Variants in SYT2 observed in about 807,000 individuals in gnomAD.
SYT2 encodes the protein synaptotagmin 2, also known as synaptotagmin-2.
SYT2 carries 15 observed loss-of-function variants against 39.9 expected under a neutral mutation model. That is an observed-to-expected ratio of 0.38 (90% confidence interval 0.25 to 0.58). The LOEUF (loss-of-function observed/expected upper bound fraction) is 0.58, where lower values mean the gene tolerates loss of function less well. Among genes scored for constraint, SYT2 ranks in the 20% least tolerant of loss-of-function variants. The pLI, the probability that SYT2 is intolerant of heterozygous loss-of-function variation, is 0.70. For missense variants in SYT2, 389 were observed against 530.3 expected (o/e 0.73, Z 2.62); for synonymous variants, 181 against 204.5 (o/e 0.89, Z 0.98).
In SYT2 at chr1:202,690,248, A is replaced by G. The variant is rs77997197; in HGVS notation, c.-18+20010T>C. The stretch of plus-strand genomic sequence containing the variant: ...TGCCCCACTGAACAGATGCCCAGCA[A>G]GTCACAGGCCAAGCTGAGCCTGGGA... On this transcript the variant is annotated intron_variant, in intron 1 of 8. Coordinates refer to ENST00000367268, the MANE Select transcript of SYT2 (RefSeq NM_177402.5). Among the ~76,000 whole-genome samples the G allele has an allele frequency of 1.8e-3, 273 of 152,342 alleles. 1 individual carries two copies. The highest frequency in any genetic ancestry group is 0.017 in the Middle Eastern group (5 of 294).
chr1:202,689,970 G>T lies in SYT2; in HGVS notation c.-18+20288C>A, dbSNP rs183739815. On this transcript the variant is annotated intron_variant, in intron 1 of 8. Coordinates refer to ENST00000367268, the MANE Select transcript of SYT2 (RefSeq NM_177402.5). ...ACCAGGAGGGCAGCATGAAACATCT[G>T]ATTACACAAACCTGCCACAGTCCCT... 2.6e-5 allele frequency among the ~76,000 whole-genome samples: 4 copies of T among 151,906 alleles called. No homozygotes were observed. The East Asian group carries it at 7.7e-4, about 29-fold the overall frequency.
At chr1:202,629,093 G>T (rs1320512107) in intron 1 of SYT2, among the ~76,000 whole-genome samples, 1 of 152,356 alleles carries the variant, frequency 6.6e-6, no homozygotes, top group Non-Finnish European at 1.5e-5. Context: ...CAGTGGAGAG[G>T]TGGGGCAGCC....
intron 1 of SYT2, among the ~76,000 whole-genome samples, chr1:202,650,115 G>C (rs1033597073): frequency 2.0e-5 from 3 of 152,252 alleles, no homozygotes; most frequent in African/African-American, 7.2e-5. Flanking sequence ...AAGAGGAAAA[G>C]GGAATTGGGG....
In SYT2 at chr1:202,623,232, G is replaced by A. The variant is rs1572632636; in HGVS notation, c.-17-17443C>T. On this transcript the variant is annotated intron_variant, in intron 1 of 8. Coordinates refer to ENST00000367268, the MANE Select transcript of SYT2 (RefSeq NM_177402.5). The surrounding 1 kb of genome is among the most constrained non-coding windows in gnomAD (Gnocchi z 4.2). ...CCATCCCCATGGGAGAGGAGCTGGA[G>A]TCCAGGCTCCCTGGAGAGGGAGTTA... Among the ~76,000 whole-genome samples, 2 of 152,244 alleles carry A rather than the reference G, an allele frequency of 1.3e-5. No homozygotes were observed. Among genetic ancestry groups the A allele is most frequent in the African/African-American group, 4.8e-5 (2 of 41,470 alleles).
rs191682643 is a variant in SYT2, at chr1:202,691,066, C to T, written c.-18+19192G>A. ...GAGTCTGCCTCCACTTCGTCCAGACCCCTCCGCCCCCTAAGAAATGGTCAC... is the reference window on the plus strand; with the variant it reads ...GAGTCTGCCTCCACTTCGTCCAGACTCCTCCGCCCCCTAAGAAATGGTCAC... On this transcript the variant is annotated intron_variant, in intron 1 of 8. Coordinates refer to ENST00000367268, the MANE Select transcript of SYT2 (RefSeq NM_177402.5). 2.7e-3 allele frequency among the ~76,000 whole-genome samples: 412 copies of T among 152,256 alleles called. 2 individuals carry two copies. Among genetic ancestry groups the T allele is most frequent in the African/African-American group, 9.5e-3 (396 of 41,534 alleles).
At chr1:202,631,045 A>G (rs916378900) in intron 1 of SYT2, among the ~76,000 whole-genome samples, 23 of 152,232 alleles carry the variant, frequency 1.5e-4, no homozygotes, top group African/African-American at 5.5e-4. Flanking sequence ...AGGTCCACAC[A>G]TAGCACATAT....
chr1:202,641,368 C>T (rs113216382), intron 1 of SYT2, among the ~76,000 whole-genome samples: 4,329 of 152,316 alleles, frequency 0.028, 214 homozygotes, highest in African/African-American at 0.1. Flanking sequence ...AGCCACAGAA[C>T]TGTGGGGTTG....
chr1:202,654,449 T>C (rs908761269), intron 1 of SYT2, among the ~76,000 whole-genome samples: 3 of 152,198 alleles, frequency 2.0e-5, no homozygotes, highest in Admixed American at 6.5e-5. Flanking sequence ...TCCGCCCAAG[T>C]GCAAAACCTG....
chr1:202,616,722 T>C, intron 1 of SYT2, among the ~76,000 whole-genome samples: 1 of 152,230 alleles, frequency 6.6e-6, no homozygotes, highest in East Asian at 1.9e-4. Flanking sequence ...CGCTGCCTGC[T>C]TTTGTCATAA....
At chr1:202,648,964 C>T (rs978460293) in intron 1 of SYT2, among the ~76,000 whole-genome samples, 15 of 152,210 alleles carry the variant, frequency 9.9e-5, no homozygotes, top group Non-Finnish European at 2.1e-4. Context: ...CAAGAGCAAG[C>T]TCACTAAATC....
chr1:202,708,961 A>T (rs753360918), intron 1 of SYT2, among the ~76,000 whole-genome samples: 2 of 152,172 alleles, frequency 1.3e-5, no homozygotes, highest in Non-Finnish European at 2.9e-5. Flanking sequence ...GGTTATGGGG[A>T]TCCAGACAGA....
intron 1 of SYT2, among the ~76,000 whole-genome samples, chr1:202,619,813 G>C (rs551990858): frequency 6.6e-6 from 1 of 152,234 alleles, no homozygotes; most frequent in Non-Finnish European, 1.5e-5. Flanking sequence ...GGAGGACATT[G>C]GTGGCAACAA....
At chr1:202,609,123 C>T (rs1383484165) in intron 1 of SYT2, among the ~76,000 whole-genome samples, 13 of 145,612 alleles carry the variant, frequency 8.9e-5, no homozygotes, top group Non-Finnish European at 1.8e-4. Context: ...TGAGAACATG[C>T]GGTGTTTGGT....
At chr1:202,641,500 C>T (rs1691915592) in intron 1 of SYT2, among the ~76,000 whole-genome samples, 1 of 152,224 alleles carries the variant, frequency 6.6e-6, no homozygotes, top group African/African-American at 2.4e-5. Context: ...AAATTAAACT[C>T]AGCTCTCTTG....
chr1:202,709,481 A>G (rs925966436), intron 1 of SYT2, among the ~76,000 whole-genome samples: 5 of 152,202 alleles, frequency 3.3e-5, no homozygotes, highest in Non-Finnish European at 7.4e-5. Flanking sequence ...GAGCATAGGC[A>G]GGGGAAGGGG....
chr1:202,684,387 T>A (rs189519562), intron 1 of SYT2, among the ~76,000 whole-genome samples: 1 of 152,234 alleles, frequency 6.6e-6, no homozygotes, highest in African/African-American at 2.4e-5. Context: ...GATTATACAG[T>A]ATTTGTTATT....
At chr1:202,678,698 G>A (rs753462381) in intron 1 of SYT2, among the ~76,000 whole-genome samples, 30 of 152,058 alleles carry the variant, frequency 2.0e-4, no homozygotes, top group Middle Eastern at 6.8e-3. Context: ...GATCCTGCTC[G>A]CCAACTGTCC....
At chr1:202,659,233 G>C (rs546215630) in intron 1 of SYT2, among the ~76,000 whole-genome samples, 3 of 152,102 alleles carry the variant, frequency 2.0e-5, no homozygotes, top group Non-Finnish European at 4.4e-5. Flanking sequence ...TGCTACCTCT[G>C]TCCGTGTTCT....
rs1690298103 is a variant in SYT2, at chr1:202,596,336, C to CGA, written c.*419_*420dup. 2.1e-5 allele frequency: 4 copies of CGA among 189,040 alleles called. No individual in the cohort carries two copies. In the East Asian group the frequency reaches 6.3e-4, roughly 30 times the overall value. The allele number at this position is 189,040 out of a possible 1,614,324, so 11.7% of individuals were successfully genotyped here. ...ACACACACACACACACACACACACACGATCATTGGCCACTGTGATGCCTTC... is the reference window on the plus strand; with the variant it reads ...ACACACACACACACACACACACACACGAGATCATTGGCCACTGTGATGCCTTC... On this transcript the variant is annotated 3_prime_UTR_variant, in exon 9 of 9. Transcript: ENST00000367268.
Sources: allele counts gnomAD v4.1 joint callset (sites outside exome capture counted in the v4.1 genomes callset), GRCh38; gene constraint gnomAD v4.1.1; non-coding constraint Gnocchi (gnomAD v3.1); transcripts MANE v1.5; gene names NCBI Gene and HGNC (gene_info 2026-07-23, HGNC 2026-07-21).